TUSC3: variants seen among roughly 807,000 people sequenced by gnomAD.
TUSC3 encodes dolichyl-diphosphooligosaccharide--protein glycosyltransferase subunit TUSC3.
In TUSC3, 45 loss-of-function variants were observed where a neutral mutation model predicts 44.8. That is an observed-to-expected ratio of 1.00 (90% CI 0.79 to 1.29). TUSC3 has a LOEUF of 1.29. Ranked by LOEUF, TUSC3 falls within the 50% of genes most tolerant of loss-of-function variation. The probability of loss-of-function intolerance (pLI) is 0.00; values close to 1 mark genes in which losing one functional copy is unlikely to be tolerated. For missense variants in TUSC3, 519 were observed against 437.9 expected (o/e 1.19, Z -1.65); for synonymous variants, 212 against 152.9 (o/e 1.39, Z -2.85).
In TUSC3 at chr8:15,521,968, C is replaced by G. The variant is rs1209965163; in HGVS notation, n.189+38485C>G. Among the ~76,000 whole-genome samples, 2 of 152,206 alleles carry G rather than the reference C, an allele frequency of 1.3e-5. 1 individual carries two copies. Among genetic ancestry groups the G allele is most frequent in the Non-Finnish European group, 2.9e-5 (2 of 68,040 alleles). On this transcript the variant is annotated intron_variant and non_coding_transcript_variant, in intron 2 of 5. Coordinates refer to the TUSC3 transcript ENST00000503191. ...AATTACTTTTGCAGCAAACGAATAG[C>G]TGCTCTTCTAGGTAACTCAAACTAC... is the stretch of plus-strand genomic sequence containing the variant.
intron 1 of TUSC3, among the ~76,000 whole-genome samples, chr8:15,423,153 C>T (rs954530776): frequency 1.3e-5 from 2 of 152,064 alleles, no homozygotes; most frequent in Non-Finnish European, 2.9e-5. Context: ...ATTTTCACTA[C>T]ATTTTAGAAT....
At chr8:15,643,138 C>T (rs1029117163) in intron 2 of TUSC3, among the ~76,000 whole-genome samples, 3 of 152,076 alleles carry the variant, frequency 2.0e-5, no homozygotes, top group East Asian at 1.9e-4. Context: ...TTCTTCCTGC[C>T]GCCTTGTGAA....
intron 3 of TUSC3, among the ~76,000 whole-genome samples, chr8:15,657,517 C>T (rs1007491306): frequency 2.6e-5 from 4 of 152,170 alleles, no homozygotes; most frequent in Non-Finnish European, 5.9e-5. Context: ...CGTCTGAGAC[C>T]TCATCAGAAT....
the TUSC3 span, among the ~76,000 whole-genome samples, chr8:15,839,098 G>C: frequency 1.3e-5 from 2 of 151,992 alleles, no homozygotes; most frequent in African/African-American, 4.8e-5. Flanking sequence ...GGATTCCTAG[G>C]TATTTTCTTC....
intron 1 of TUSC3, among the ~76,000 whole-genome samples, chr8:15,451,049 T>A (rs917980377): frequency 6.6e-6 from 1 of 152,108 alleles, no homozygotes; most frequent in Non-Finnish European, 1.5e-5. Flanking sequence ...TTCCTGAACA[T>A]CACTAGCTTT....
the TUSC3 span, among the ~76,000 whole-genome samples, chr8:15,781,298 C>T: frequency 6.6e-6 from 1 of 152,194 alleles, no homozygotes; most frequent in Non-Finnish European, 1.5e-5. Flanking sequence ...TTTCCAAATG[C>T]ATCCAATAGG....
chr8:15,593,574 A>G lies in TUSC3; in HGVS notation c.139-29506A>G, dbSNP rs183696827. Among the ~76,000 whole-genome samples the G allele has an allele frequency of 8.5e-5, 13 of 152,250 alleles. No homozygotes were observed. The East Asian group carries it at 2.3e-3, about 27-fold the overall frequency. ...TTAAACTTTGTTTAAAGTTGAAACC[A>G]TTTGAGTTATTTGCCATGTATTGTC... On this transcript the variant is annotated intron_variant, in intron 1 of 10. Transcript: ENST00000503731.
At chr8:15,596,588 C>T (rs957562298) in intron 1 of TUSC3, among the ~76,000 whole-genome samples, 9 of 152,232 alleles carry the variant, frequency 5.9e-5, no homozygotes, top group African/African-American at 1.9e-4. Context: ...CTGTGGGGCA[C>T]ACTGTAAGTT....
At chr8:15,841,616 C>T in the TUSC3 span, among the ~76,000 whole-genome samples, 49 of 152,074 alleles carry the variant, frequency 3.2e-4, no homozygotes, top group Non-Finnish European at 4.7e-4. Flanking sequence ...CGGGTTCAAG[C>T]GATTCTCCTA....
the TUSC3 span, among the ~76,000 whole-genome samples, chr8:15,802,256 C>G: frequency 2.6e-3 from 398 of 152,190 alleles, 1 homozygote; most frequent in African/African-American, 9.1e-3. Context: ...ATGAAGAGCC[C>G]TAAATAATTA....
the TUSC3 span, among the ~76,000 whole-genome samples, chr8:15,800,808 G>A: frequency 1.6e-3 from 244 of 152,162 alleles, 1 homozygote; most frequent in Middle Eastern, 3.4e-3. Context: ...TATGCAACAT[G>A]TTCTTAACTT....
At chr8:15,769,128 G>A (rs547482716), downstream of TUSC3, among the ~76,000 whole-genome samples, 3 of 151,956 alleles carry the variant, frequency 2.0e-5, no homozygotes, top group African/African-American at 7.2e-5. Flanking sequence ...ACAATCTTAA[G>A]CAAAAAAAGA....
At chr8:15,447,934 C>T (rs1402380223) in intron 1 of TUSC3, among the ~76,000 whole-genome samples, 1 of 151,082 alleles carries the variant, frequency 6.6e-6, no homozygotes, top group African/African-American at 2.4e-5. Context: ...ATGGTAGCTA[C>T]ATGTGGGTAT....
At chr8:15,560,191 C>A (rs1585100929) in intron 1 of TUSC3, among the ~76,000 whole-genome samples, 1 of 145,208 alleles carries the variant, frequency 6.9e-6, no homozygotes, top group Admixed American at 6.9e-5. Context: ...TCTTTTAGGG[C>A]AGGCCTGGTG....
chr8:15,583,323 A>G (rs984094007), intron 1 of TUSC3, among the ~76,000 whole-genome samples: 9 of 152,206 alleles, frequency 5.9e-5, no homozygotes, highest in Non-Finnish European at 1.2e-4. Context: ...TCATTTTGTA[A>G]TAAAATGCGG....
chr8:15,545,262 G>A (rs929372767), intron 1 of TUSC3, among the ~76,000 whole-genome samples: 3 of 151,534 alleles, frequency 2.0e-5, no homozygotes, highest in African/African-American at 7.3e-5. Context: ...CCCAGCATTT[G>A]TACTGGTTCC....
At chr8:15,503,414 A>G (rs186901709) in intron 2 of TUSC3, among the ~76,000 whole-genome samples, 175 of 152,198 alleles carry the variant, frequency 1.1e-3, no homozygotes, top group Non-Finnish European at 1.6e-3. Flanking sequence ...AATACTTGAC[A>G]TACTTTTTTT....
chr8:15,824,227 G>A, the TUSC3 span, among the ~76,000 whole-genome samples: 52 of 152,158 alleles, frequency 3.4e-4, no homozygotes, highest in Non-Finnish European at 6.5e-4. Flanking sequence ...ATTAATATCC[G>A]ATTATTACCT....
intron 2 of TUSC3, among the ~76,000 whole-genome samples, chr8:15,648,911 A>G (rs1036284020): frequency 6.6e-6 from 1 of 151,872 alleles, no homozygotes; most frequent in Non-Finnish European, 1.5e-5. Flanking sequence ...TGGGGGATAG[A>G]GAACTAATGA....
Sources: allele counts gnomAD v4.1 joint callset (sites outside exome capture counted in the v4.1 genomes callset), GRCh38; gene constraint gnomAD v4.1.1; transcripts MANE v1.5; gene names NCBI Gene and HGNC (gene_info 2026-07-23, HGNC 2026-07-21).